The following PSMC1 variants were observed in gnomAD, a reference collection of about 807,000 sequenced individuals.
PSMC1 encodes the protein proteasome 26S subunit, ATPase 1.
Under a neutral mutation model 49.8 loss-of-function variants are expected in PSMC1, and 5 were observed. That is an observed-to-expected ratio of 0.10 (90% CI 0.05 to 0.21). The LOEUF (loss-of-function observed/expected upper bound fraction) is 0.21. PSMC1 is among the 10% of genes least tolerant of loss of function. The pLI is 1.00. For synonymous variants in PSMC1, 155 were observed against 192.1 expected (o/e 0.81, Z 1.60); for missense variants, 181 against 535.7 (o/e 0.34, Z 6.54).
chr14:90,263,610 C>G, intron 4 of PSMC1, 52 bp from the exon 5 acceptor site: 1 of 1,576,678 alleles, frequency 6.3e-7, no homozygotes, highest in Non-Finnish European at 8.7e-7. Flanking sequence ...CTATCAGGAT[C>G]ATCTACTTTG....
intron 7 of PSMC1, 94 bp downstream of exon 7, chr14:90,265,260 A>G (rs1891482170): frequency 3.6e-6 from 3 of 822,878 alleles, no homozygotes; most frequent in Non-Finnish European, 3.9e-6. Flanking sequence ...AAGAGAGGAC[A>G]CCACAATTCC....
chr14:90,261,255 T>G (rs1381490330), intron 3 of PSMC1, among the ~76,000 whole-genome samples: 1 of 152,220 alleles, frequency 6.6e-6, no homozygotes, highest in Non-Finnish European at 1.5e-5. Flanking sequence ...TTCTCATCCT[T>G]TAGGCTTCAG....
At chr14:90,261,345 A>G (rs115334777) in intron 3 of PSMC1, among the ~76,000 whole-genome samples, 4,422 of 152,286 alleles carry the variant, frequency 0.029, 216 homozygotes, top group African/African-American at 0.1. Context: ...TACTTAAACT[A>G]CTTTAAAAAA....
chr14:90,272,203 GT>G lies in PSMC1; in HGVS notation c.1189-64del. 6 of 1,572,506 alleles carry G rather than the reference GT, an allele frequency of 3.8e-6. No homozygotes were observed. The South Asian group carries it at 5.9e-5, about 15-fold the overall frequency. ...GCCACCGCGCCTGGCCTCAGAATAG[GT>G]TTTTTGGAATTCCTTGTTAGAATAA... On this transcript the variant is annotated intron_variant, in intron 10 of 10. Coordinates refer to ENST00000261303, the MANE Select transcript of PSMC1 (RefSeq NM_002802.3). This position sits in a 1 kb window ranked among gnomAD's most constrained non-coding sequence, Gnocchi z 4.5.
chr14:90,266,106 C>T (rs928805502), intron 7 of PSMC1, among the ~76,000 whole-genome samples: 3 of 151,808 alleles, frequency 2.0e-5, no homozygotes, highest in African/African-American at 7.3e-5. Context: ...AAATACAAAA[C>T]TAGCCAGGTG....
intron 7 of PSMC1, among the ~76,000 whole-genome samples, chr14:90,265,687 T>TAAAAAAAAA: frequency 1.9e-5 from 1 of 52,632 alleles, no homozygotes; most frequent in African/African-American, 7.1e-5. Context: ...AGACTACATC[T>TAAAAAAAAA]CAAAAAAAAA....
chr14:90,274,840 C>CACACACACACA lies in PSMC1; in HGVS notation c.*2433_*2434insACACACACACA, dbSNP rs1891768392. ...CACACACACACACACACACACACAC[C>CACACACACACA]CCAATACATATGAATTGATCTGAAA... On this transcript the variant is annotated 3_prime_UTR_variant, in exon 11 of 11. Coordinates refer to ENST00000261303, the MANE Select transcript of PSMC1 (RefSeq NM_002802.3). 9.1e-6 allele frequency: 1 copy of CACACACACACA among 110,052 alleles called. No homozygotes were observed. The highest frequency in any genetic ancestry group is 3.5e-5 in the African/African-American group (1 of 28,574). 6.8% of individuals were successfully genotyped at this position (110,052 alleles called of 1,614,324 possible).
Position 90,274,883 on chromosome 14 carries a change from T to A in PSMC1, c.*2476T>A, listed in dbSNP as rs949958515. 1.3e-5 allele frequency: 2 copies of A among 150,744 alleles called. No homozygotes were observed. The highest frequency in any genetic ancestry group is 4.9e-5 in the African/African-American group (2 of 40,930). 9.3% of individuals were successfully genotyped at this position (150,744 alleles called of 1,614,324 possible). ...ATCTGAAAGTTTGCTGAGGAAGGGGTATTTACAGATTTTGAGAGTCTGCCA... is the reference window on the plus strand; with the variant it reads ...ATCTGAAAGTTTGCTGAGGAAGGGGAATTTACAGATTTTGAGAGTCTGCCA... On this transcript the variant is annotated 3_prime_UTR_variant, in exon 11 of 11. Coordinates refer to ENST00000261303, the MANE Select transcript of PSMC1 (RefSeq NM_002802.3).
intron 10 of PSMC1, chr14:90,270,602 T>G: frequency 8.2e-6 from 3 of 366,874 alleles, no homozygotes; most frequent in Non-Finnish European, 9.7e-6. Flanking sequence ...GTACTAAGCC[T>G]TAGGCCCAGG....
intron 9 of PSMC1, 144 bp downstream of exon 9, chr14:90,269,692 C>CTT (rs1891612305): frequency 7.0e-6 from 6 of 862,020 alleles, no homozygotes; most frequent in Non-Finnish European, 8.8e-6. Context: ...AATAGGTCCT[C>CTT]TTGAGATGAG....
At chr14:90,267,909 A>G (rs1330563623) in intron 7 of PSMC1, 1 of 240,732 alleles carries the variant, frequency 4.2e-6, no homozygotes, top group Non-Finnish European at 8.0e-6. Flanking sequence ...TTCTTCGTAC[A>G]GGTAATTATA....
At chr14:90,264,240 G>C in intron 6 of PSMC1, 71 bp downstream of exon 6, 1 of 1,583,784 alleles carries the variant, frequency 6.3e-7, no homozygotes, top group East Asian at 2.3e-5. Flanking sequence ...ATACTTTGCA[G>C]GTGTTTTGTA....
chr14:90,270,109 G>A (rs191343301), intron 9 of PSMC1, 89 bp from the exon 10 acceptor site: 74 of 1,375,246 alleles, frequency 5.4e-5, no homozygotes, highest in African/African-American at 5.4e-4. Flanking sequence ...CTGAAACTTC[G>A]TATGTAAGGA....
chr14:90,268,191 C>CTTTTTTTTTTTTTTTT, intron 7 of PSMC1, 33 bp from the exon 8 acceptor site: 1 of 1,303,802 alleles, frequency 7.7e-7, no homozygotes, highest in Non-Finnish European at 1.0e-6. Flanking sequence ...CTTAAGGTGT[C>CTTTTTTTTTTTTTTTT]TTTTTTTTTT....
chr14:90,264,416 T>A (rs755281701), intron 6 of PSMC1, among the ~76,000 whole-genome samples: 11 of 152,218 alleles, frequency 7.2e-5, no homozygotes, highest in Non-Finnish European at 1.5e-4. Context: ...TTGAATGCAT[T>A]GTCTGTGTGA....
At chr14:90,269,764 T>G in intron 9 of PSMC1, 2 of 457,318 alleles carry the variant, frequency 4.4e-6, no homozygotes, top group Non-Finnish European at 7.6e-6. Flanking sequence ...GTCTTATGTC[T>G]TGTCTTTTCT....
intron 9 of PSMC1, 36 bp from the exon 10 acceptor site, chr14:90,270,162 A>T (rs1891625405): frequency 1.2e-6 from 2 of 1,607,268 alleles, no homozygotes; most frequent in South Asian, 1.1e-5. Flanking sequence ...CTGGGTTTGG[A>T]TGTTGGTGTG....
chr14:90,272,543 A>G lies in PSMC1; in HGVS notation c.*136A>G. Reference sequence around the variant, plus strand: ...CAAAACATCCTGTGTCTTTTGGAGTACGATGTGTAAGTGCCCATTGGGTGG... The same window carrying G: ...CAAAACATCCTGTGTCTTTTGGAGTGCGATGTGTAAGTGCCCATTGGGTGG... On this transcript the variant is annotated 3_prime_UTR_variant, in exon 11 of 11. Coordinates refer to ENST00000261303, the MANE Select transcript of PSMC1 (RefSeq NM_002802.3). The surrounding 1 kb of genome is among the most constrained non-coding windows in gnomAD (Gnocchi z 4.5). 1 of 607,302 alleles carries G rather than the reference A, an allele frequency of 1.6e-6. No individual in the cohort carries two copies. The highest frequency in any genetic ancestry group is 2.9e-6 in the Non-Finnish European group (1 of 341,952). The allele number at this position is 607,302 out of a possible 1,614,324, so 37.6% of individuals were successfully genotyped here.
intron 3 of PSMC1, 77 bp downstream of exon 3, chr14:90,260,288 A>C: frequency 9.3e-7 from 1 of 1,069,688 alleles, no homozygotes. Flanking sequence ...TTAGAGTCTG[A>C]AAGGGGTAAC....
Sources: allele counts gnomAD v4.1 joint callset (sites outside exome capture counted in the v4.1 genomes callset), GRCh38; gene constraint gnomAD v4.1.1; non-coding constraint Gnocchi (gnomAD v3.1); transcripts MANE v1.5; gene names NCBI Gene and HGNC (gene_info 2026-07-23, HGNC 2026-07-21).